The following FSD1L variants were observed in gnomAD, a reference collection of about 807,000 sequenced individuals.
The protein encoded by FSD1L is FSD1-like protein.
Under a neutral mutation model 71.6 loss-of-function variants are expected in FSD1L, and 45 were observed. The observed-to-expected ratio is 0.63, with a 90% CI of 0.49 to 0.81. The LOEUF (loss-of-function observed/expected upper bound fraction) is 0.81, where lower values mean the gene tolerates loss of function less well. Ranked by LOEUF, FSD1L falls within the 30% of genes least tolerant of loss-of-function variation. The probability of loss-of-function intolerance (pLI) is 0.00; values close to 1 mark genes in which losing one functional copy is unlikely to be tolerated. For synonymous variants in FSD1L, 197 were observed against 207.2 expected (o/e 0.95, Z 0.42); for missense variants, 561 against 618.1 (o/e 0.91, Z 0.98).
chr9:105,453,042 TTG>T (rs367600334), intron 1 of FSD1L, among the ~76,000 whole-genome samples: 123 of 120,330 alleles, frequency 1.0e-3, no homozygotes, highest in African/African-American at 3.2e-3. Context: ...TGACCTAAAG[TTG>T]TTTTTTTTTT....
At chr9:105,519,948 A>C (rs1156395984) in intron 10 of FSD1L, among the ~76,000 whole-genome samples, 1 of 152,206 alleles carries the variant, frequency 6.6e-6, no homozygotes, top group Non-Finnish European at 1.5e-5. Context: ...CCGCGGCGCG[A>C]GGCGGGTGGA....
At chr9:105,518,131 C>G (rs895424195) in intron 10 of FSD1L, among the ~76,000 whole-genome samples, 1 of 152,142 alleles carries the variant, frequency 6.6e-6, no homozygotes, top group Non-Finnish European at 1.5e-5. Flanking sequence ...TATATATGCA[C>G]CCAACACAGG....
chr9:105,472,482 A>AT (rs796126136), intron 5 of FSD1L: 26 of 151,224 alleles, frequency 1.7e-4, no homozygotes, highest in African/African-American at 2.7e-4. Context: ...GTAAATTGTA[A>AT]TTTTTTTTTT....
chr9:105,546,554 A>C lies in FSD1L; in HGVS notation c.*71A>C. 3 of 1,406,112 alleles carry C rather than the reference A, an allele frequency of 2.1e-6. No individual in the cohort carries two copies. The highest frequency in any genetic ancestry group is 2.8e-6 in the Non-Finnish European group (3 of 1,064,538). 87.1% of individuals were successfully genotyped at this position (1,406,112 alleles called of 1,614,324 possible). A position where few individuals can be genotyped will look rare whatever the true frequency, so the allele number is the denominator to read the frequency against. On this transcript the variant is annotated 3_prime_UTR_variant, in exon 14 of 14. Coordinates refer to ENST00000481272, the MANE Select transcript of FSD1L (RefSeq NM_001145313.3). ...TTTCTGTGCAGTTACTAATCACAGG[A>C]ATTTGGTAGTAGTGAAAATCAGGTT...
chr9:105,496,227 G>T, intron 7 of FSD1L, among the ~76,000 whole-genome samples: 1 of 120,844 alleles, frequency 8.3e-6, no homozygotes, highest in Non-Finnish European at 1.7e-5. Flanking sequence ...TTTTTGTGTC[G>T]GAATCTCGCT....
chr9:105,521,949 C>G, intron 10 of FSD1L: 1 of 1,612,684 alleles, frequency 6.2e-7, no homozygotes, highest in Non-Finnish European at 8.5e-7. Flanking sequence ...TAACATTTAT[C>G]GGTACATGGT....
Position 105,479,382 on chromosome 9 carries a change from G to A in FSD1L, c.464+6G>A. ...GCCAGACAGATCAAGGATAGGTATGGTATAAAACACATTTTTACTTAAGTA... is the reference window on the plus strand; with the variant it reads ...GCCAGACAGATCAAGGATAGGTATGATATAAAACACATTTTTACTTAAGTA... On this transcript the variant is annotated splice_donor_region_variant and intron_variant, in intron 6 of 13. Coordinates refer to ENST00000481272, the MANE Select transcript of FSD1L (RefSeq NM_001145313.3). The A allele has an allele frequency of 6.5e-7, 1 of 1,545,416 alleles. No homozygotes were observed. The highest frequency in any genetic ancestry group is 2.5e-5 in the East Asian group (1 of 40,768).
intron 13 of FSD1L, among the ~76,000 whole-genome samples, chr9:105,542,712 C>T (rs2131528227): frequency 6.6e-6 from 1 of 152,284 alleles, no homozygotes; most frequent in East Asian, 1.9e-4. Context: ...AGCCTTGGCC[C>T]CCCAAAATCC....
rs146149447 is a variant in FSD1L, at chr9:105,515,486, T to C, written c.1025+2550T>C. Among the ~76,000 whole-genome samples the C allele has an allele frequency of 5.6e-3, 850 of 152,224 alleles. 10 individuals are homozygous for C. The highest frequency in any genetic ancestry group is 0.02 in the African/African-American group (823 of 41,544). On this transcript the variant is annotated intron_variant, in intron 10 of 13. Coordinates refer to ENST00000481272, the MANE Select transcript of FSD1L (RefSeq NM_001145313.3). ...CTGCATTTCCAACTGGGGTACCCGGTTCATCTCATTGGGACTGGTTGGACA... is the reference window on the plus strand; with the variant it reads ...CTGCATTTCCAACTGGGGTACCCGGCTCATCTCATTGGGACTGGTTGGACA...
At chr9:105,500,084 ACTTTCTCCATTTTATGCTCTCTG>A (rs1455376229) in intron 7 of FSD1L, among the ~76,000 whole-genome samples, 1 of 152,178 alleles carries the variant, frequency 6.6e-6, no homozygotes, top group African/African-American at 2.4e-5. Context: ...TATGCTGTCT[ACTTTCTCCATTTTATGCTCTCTG>A]CTTTCTCCAT....
rs141873467 is a variant in FSD1L, at chr9:105,529,993, A to C, written c.1026-4500A>C. ...TGAAGCAGATGGTGTGAGTTTAAAC[A>C]ACATTTTGACTGGTATATTTAGCTA... On this transcript the variant is annotated intron_variant, in intron 10 of 13. Coordinates refer to ENST00000481272, the MANE Select transcript of FSD1L (RefSeq NM_001145313.3). Among the ~76,000 whole-genome samples, 16 of 152,306 alleles carry C rather than the reference A, an allele frequency of 1.1e-4. No homozygotes were observed. In the East Asian group the frequency reaches 3.1e-3, roughly 29 times the overall value.
chr9:105,524,054 A>G (rs1835350551), intron 10 of FSD1L: 2 of 1,608,082 alleles, frequency 1.2e-6, no homozygotes, highest in African/African-American at 1.3e-5. Context: ...CTCAGTTTAC[A>G]GATGTTAAGG....
intron 4 of FSD1L, among the ~76,000 whole-genome samples, chr9:105,471,308 A>C (rs1831440358): frequency 6.6e-6 from 1 of 152,100 alleles, no homozygotes; most frequent in Non-Finnish European, 1.5e-5. Flanking sequence ...CTCAGTTCCT[A>C]GTGCCTCATT....
intron 10 of FSD1L, among the ~76,000 whole-genome samples, chr9:105,528,182 G>A (rs942063276): frequency 6.6e-6 from 1 of 152,124 alleles, no homozygotes; most frequent in East Asian, 1.9e-4. Context: ...TCATGGATAG[G>A]AATAATCAAT....
At chr9:105,544,191 G>A (rs1301571102) in intron 13 of FSD1L, among the ~76,000 whole-genome samples, 12 of 152,320 alleles carry the variant, frequency 7.9e-5, no homozygotes, top group Non-Finnish European at 1.3e-4. Flanking sequence ...CAGTGATGAT[G>A]AGCATTTTTT....
At chr9:105,512,602 A>G (rs1834459518) in intron 9 of FSD1L, among the ~76,000 whole-genome samples, 1 of 152,098 alleles carries the variant, frequency 6.6e-6, no homozygotes, top group South Asian at 2.1e-4. Context: ...GGATATATAG[A>G]GAAGAATAAT....
intron 7 of FSD1L, among the ~76,000 whole-genome samples, chr9:105,493,076 A>T (rs62575101): frequency 0.24 from 36,528 of 151,534 alleles, 4,768 homozygotes; most frequent in Non-Finnish European, 0.31. Context: ...TGTCTCGTTG[A>T]TCTGTCTAAT....
At chr9:105,526,152 A>G in intron 10 of FSD1L, 1 of 1,577,182 alleles carries the variant, frequency 6.3e-7, no homozygotes, top group East Asian at 2.2e-5. Flanking sequence ...GAAAGGTTCT[A>G]CCCATTATGG....
intron 10 of FSD1L, among the ~76,000 whole-genome samples, chr9:105,529,093 G>T (rs74442717): frequency 0.27 from 41,201 of 152,072 alleles, 5,795 homozygotes; most frequent in Non-Finnish European, 0.31. Flanking sequence ...CAGTTAGAAT[G>T]GCGATCATGA....
Sources: gnomAD v4.1 joint callset for allele counts (sites outside exome capture counted in the v4.1 genomes callset) on GRCh38, gnomAD v4.1.1 for gene constraint, MANE v1.5 for transcripts, NCBI Gene and HGNC (gene_info 2026-07-23, HGNC 2026-07-21) for gene names.